Variants in GRIA3 observed in about 807,000 individuals in gnomAD.
GRIA3 encodes the protein glutamate receptor 3.
GRIA3 carries 3 observed loss-of-function variants against 63.0 expected under a neutral mutation model. That is an observed-to-expected ratio of 0.05 (90% confidence interval 0.02 to 0.12). GRIA3 has a LOEUF of 0.12. Among genes scored for constraint, GRIA3 ranks in the 10% least tolerant of loss-of-function variants. The pLI, the probability that GRIA3 is intolerant of heterozygous loss-of-function variation, is 1.00. For synonymous variants in GRIA3, 274 were observed against 257.9 expected (o/e 1.06, Z -0.60); for missense variants, 347 against 700.9 (o/e 0.50, Z 5.70).
intron 2 of GRIA3, among the ~76,000 whole-genome samples, chrX:123,238,576 G>T (rs773442008): frequency 9.0e-6 from 1 of 111,717 alleles, no homozygotes; most frequent in South Asian, 3.8e-4. Context: ...GAAACAATAC[G>T]TACCTTTACT....
intron 15 of GRIA3, among the ~76,000 whole-genome samples, chrX:123,487,346 G>A (rs1233379679): frequency 8.9e-6 from 1 of 112,427 alleles, no homozygotes; most frequent in Admixed American, 9.4e-5. Context: ...TGAAGTTAGG[G>A]GAAAAGATTT....
intron 12 of GRIA3, among the ~76,000 whole-genome samples, chrX:123,437,204 T>G (rs980479223): frequency 7.3e-5 from 8 of 109,398 alleles, no homozygotes; most frequent in African/African-American, 2.7e-4. Flanking sequence ...TCATAGCAAT[T>G]TAGGCACCAG....
chrX:123,223,079 C>T (rs991632919), intron 2 of GRIA3, among the ~76,000 whole-genome samples: 22 of 112,588 alleles, frequency 2.0e-4, no homozygotes, highest in African/African-American at 3.9e-4. Flanking sequence ...TGCTTCCAGG[C>T]GGGAAAGCCC....
intron 7 of GRIA3, among the ~76,000 whole-genome samples, chrX:123,402,423 T>C (rs768588842): frequency 9.1e-6 from 1 of 109,977 alleles, no homozygotes; most frequent in Admixed American, 9.8e-5. Context: ...ATATCTTCTC[T>C]AATCTTCCCA....
intron 2 of GRIA3, among the ~76,000 whole-genome samples, chrX:123,192,783 A>G (rs776400686): frequency 9.0e-6 from 1 of 111,647 alleles, no homozygotes; most frequent in South Asian, 3.8e-4. Context: ...ATGAGGCGCA[A>G]TTCAGGGTAG....
intron 10 of GRIA3, among the ~76,000 whole-genome samples, chrX:123,413,532 CAAAAAAAAAAA>C (rs570201736): frequency 2.5e-4 from 4 of 15,871 alleles, no homozygotes; most frequent in African/African-American, 3.1e-4. Context: ...CTCTCTCTGC[CAAAAAAAAAAA>C]AAAAAAAAAA....
At chrX:123,203,681 A>G (rs1486316570) in intron 2 of GRIA3, among the ~76,000 whole-genome samples, 1 of 111,690 alleles carries the variant, frequency 9.0e-6, no homozygotes, top group Non-Finnish European at 1.9e-5. Context: ...CAAGCTCCCA[A>G]TTGCCTGGTA....
At chrX:123,327,209 T>C (rs1233784423) in intron 4 of GRIA3, among the ~76,000 whole-genome samples, 1 of 111,536 alleles carries the variant, frequency 9.0e-6, no homozygotes, top group Non-Finnish European at 1.9e-5. Flanking sequence ...CTTTTAAAAA[T>C]AGAATTCAAT....
chrX:123,332,783 C>T lies in GRIA3; in HGVS notation c.696+6570C>T, dbSNP rs377443286. The stretch of plus-strand genomic sequence containing the variant: ...GAAGTAAATTACTCAAATTTTTCTT[C>T]CTCTTCTCCACAACTACTGCCACAA... On this transcript the variant is annotated intron_variant, in intron 4 of 15. Transcript: ENST00000620443. Among the ~76,000 whole-genome samples, 8 of 111,506 alleles carry T rather than the reference C, an allele frequency of 7.2e-5. No individual in the cohort carries two copies. The East Asian group carries it at 2.2e-3, about 31-fold the overall frequency.
At chrX:123,422,510 G>A (rs1220941880) in intron 11 of GRIA3, among the ~76,000 whole-genome samples, 1 of 111,755 alleles carries the variant, frequency 8.9e-6, no homozygotes, top group Admixed American at 9.5e-5. Flanking sequence ...TTCCCCCTGA[G>A]TGGGGAAGGA....
intron 6 of GRIA3, 31 bp from the exon 7 acceptor site, chrX:123,398,605 T>C: frequency 8.7e-7 from 1 of 1,152,707 alleles, no homozygotes; most frequent in Non-Finnish European, 1.2e-6. Context: ...TCATTTATCA[T>C]GATATCTTGT....
rs779636324 is a variant in GRIA3, at chrX:123,202,562, G to A, written c.268+16572G>A. 9.8e-6 allele frequency: 10 copies of A among 1,019,668 alleles called. No individual in the cohort carries two copies. In the African/African-American group the frequency reaches 1.9e-4, roughly 19 times the overall value. 84.0% of individuals were successfully genotyped at this position (1,019,668 alleles called of 1,213,427 possible). On this transcript the variant is annotated intron_variant, in intron 2 of 15. Transcript: ENST00000620443. Reference sequence around the variant, plus strand: ...CACCCTCTTTCCTCAATCTTGAAGTGCCCCCTTTCCACCCTTCCGCTGAAG... The same window carrying A: ...CACCCTCTTTCCTCAATCTTGAAGTACCCCCTTTCCACCCTTCCGCTGAAG...
At chrX:123,354,786 T>C (rs1475874683) in intron 4 of GRIA3, 124 bp from the exon 5 acceptor site, 1 of 556,139 alleles carries the variant, frequency 1.8e-6, no homozygotes, top group Non-Finnish European at 3.3e-6. Flanking sequence ...AGAAATCTGA[T>C]CCAATTAACT....
At chrX:123,350,942 T>C (rs2045090411) in intron 4 of GRIA3, among the ~76,000 whole-genome samples, 1 of 112,309 alleles carries the variant, frequency 8.9e-6, no homozygotes, top group Admixed American at 9.5e-5. Flanking sequence ...ATATATCTGC[T>C]ATCATATCAA....
intron 11 of GRIA3, among the ~76,000 whole-genome samples, chrX:123,418,136 C>A (rs780577470): frequency 8.9e-6 from 1 of 111,875 alleles, no homozygotes; most frequent in Non-Finnish European, 1.9e-5. Flanking sequence ...GAAGTGTTTT[C>A]TCATTTCTAA....
At chrX:123,298,066 G>C (rs941218884) in intron 3 of GRIA3, among the ~76,000 whole-genome samples, 1 of 109,704 alleles carries the variant, frequency 9.1e-6, no homozygotes, top group Non-Finnish European at 1.9e-5. Context: ...TTTTTATGCT[G>C]TTCTTTTTTA....
chrX:123,210,001 G>A (rs1171721292), intron 2 of GRIA3, among the ~76,000 whole-genome samples: 1 of 109,563 alleles, frequency 9.1e-6, no homozygotes, highest in African/African-American at 3.3e-5. Flanking sequence ...TTGTTTGTTT[G>A]TTGGTTGGTT....
intron 3 of GRIA3, among the ~76,000 whole-genome samples, chrX:123,286,674 T>A (rs1216022186): frequency 9.0e-6 from 1 of 111,536 alleles, no homozygotes; most frequent in Non-Finnish European, 1.9e-5. Flanking sequence ...ATGAAATGGA[T>A]AAATTCCTGG....
chrX:123,337,213 A>G (rs972048394), intron 4 of GRIA3, among the ~76,000 whole-genome samples: 45 of 111,905 alleles, frequency 4.0e-4, no homozygotes, highest in African/African-American at 1.4e-3. Flanking sequence ...TATGATCACC[A>G]TAAAGGTTTA....
Sources: gnomAD v4.1 joint callset for allele counts (sites outside exome capture counted in the v4.1 genomes callset) on GRCh38, gnomAD v4.1.1 for gene constraint, MANE v1.5 for transcripts, NCBI Gene and HGNC (gene_info 2026-07-23, HGNC 2026-07-21) for gene names.